Variants in SFRP1 observed in about 807,000 individuals in gnomAD.
SFRP1 encodes secreted frizzled-related protein 1.
SFRP1 carries 9 observed loss-of-function variants against 25.9 expected under a neutral mutation model. That is an observed-to-expected ratio of 0.35 (90% CI 0.21 to 0.61). The LOEUF is 0.61. Ranked by LOEUF, SFRP1 falls within the 20% of genes least tolerant of loss-of-function variation. SFRP1 has a pLI of 0.78. For missense variants in SFRP1, 346 were observed against 418.2 expected (o/e 0.83, Z 1.51); for synonymous variants, 178 against 174.0 (o/e 1.02, Z -0.18).
intron 2 of SFRP1, among the ~76,000 whole-genome samples, chr8:41,288,598 C>T (rs1803738459): frequency 6.9e-6 from 1 of 144,432 alleles, no homozygotes; most frequent in South Asian, 2.3e-4. Context: ...TTCCAGGACT[C>T]TTCCATACAC....
intron 2 of SFRP1, among the ~76,000 whole-genome samples, chr8:41,300,382 T>C (rs759737005): frequency 2.6e-5 from 4 of 152,134 alleles, no homozygotes; most frequent in Admixed American, 6.5e-5. Context: ...TCCTTTTCCA[T>C]AGGGAGAAAA....
At chr8:41,290,520 C>T (rs890903620) in intron 2 of SFRP1, among the ~76,000 whole-genome samples, 3 of 152,224 alleles carry the variant, frequency 2.0e-5, no homozygotes, top group Admixed American at 6.5e-5. Flanking sequence ...GCCAGCTCTG[C>T]GGTGACCTAA....
At chr8:41,280,934 C>G (rs1169873734) in intron 2 of SFRP1, among the ~76,000 whole-genome samples, 1 of 152,234 alleles carries the variant, frequency 6.6e-6, no homozygotes, top group Non-Finnish European at 1.5e-5. Context: ...CCAAGTGGCT[C>G]CACAACAGAC....
chr8:41,297,311 TGG>T (rs1803855930), intron 2 of SFRP1, among the ~76,000 whole-genome samples: 1 of 152,232 alleles, frequency 6.6e-6, no homozygotes, highest in Non-Finnish European at 1.5e-5. Flanking sequence ...CCCAAAGTGC[TGG>T]GATTACAGGT....
chr8:41,278,560 A>C (rs1184863176), intron 2 of SFRP1, among the ~76,000 whole-genome samples: 2 of 152,202 alleles, frequency 1.3e-5, no homozygotes, highest in Non-Finnish European at 2.9e-5. Flanking sequence ...CCAGTAGAGA[A>C]GCCCAGACCG....
chr8:41,287,668 C>G (rs112562297), intron 2 of SFRP1, among the ~76,000 whole-genome samples: 109 of 152,316 alleles, frequency 7.2e-4, no homozygotes, highest in African/African-American at 2.4e-3. Context: ...GGAATAGATT[C>G]GTGTGTATTA....
intron 2 of SFRP1, among the ~76,000 whole-genome samples, chr8:41,267,896 A>C (rs923868182): frequency 2.0e-5 from 3 of 152,228 alleles, no homozygotes; most frequent in Non-Finnish European, 1.5e-5. Flanking sequence ...GATCACAGGG[A>C]GGAGCTCAGA....
At chr8:41,285,288 C>A (rs956076036) in intron 2 of SFRP1, among the ~76,000 whole-genome samples, 1 of 152,154 alleles carries the variant, frequency 6.6e-6, no homozygotes, top group East Asian at 1.9e-4. Flanking sequence ...CCAGGACTCC[C>A]GACTTCCTGG....
intron 1 of SFRP1, among the ~76,000 whole-genome samples, chr8:41,306,260 T>C (rs1306926087): frequency 6.6e-6 from 1 of 152,210 alleles, no homozygotes; most frequent in Non-Finnish European, 1.5e-5. Flanking sequence ...AAACTGAATT[T>C]GCCCAAGTGT....
At chr8:41,308,481 G>A (rs1804025846) in intron 1 of SFRP1, 135 bp downstream of exon 1, 2 of 700,062 alleles carry the variant, frequency 2.9e-6, no homozygotes, top group Non-Finnish European at 2.3e-6. Flanking sequence ...TGCACAGCAT[G>A]CGAGCAACCT....
At chr8:41,292,693 T>C (rs1803792879) in intron 2 of SFRP1, among the ~76,000 whole-genome samples, 1 of 152,230 alleles carries the variant, frequency 6.6e-6, no homozygotes. Flanking sequence ...TCTCTTTGGA[T>C]GTTGATTCTA....
At position 41,309,180 on chromosome 8, in the gene SFRP1, T is replaced by C. The variant is rs1804039834; in HGVS notation, c.-21A>G. ...CCCATGCCGGCTCTGCGCCCTGTTC[T>C]CCGCGACGTCGGGGCTGCCTCCGCC... On this transcript the variant is annotated 5_prime_UTR_variant, in exon 1 of 3. Transcript: ENST00000220772. 1 of 1,300,062 alleles carries C rather than the reference T, an allele frequency of 7.7e-7. No homozygotes were observed. Among genetic ancestry groups the C allele is most frequent in the East Asian group, 3.1e-5 (1 of 31,802 alleles). 80.5% of individuals were successfully genotyped at this position (1,300,062 alleles called of 1,614,324 possible).
chr8:41,291,337 T>G (rs1281295027), intron 2 of SFRP1, among the ~76,000 whole-genome samples: 1 of 152,146 alleles, frequency 6.6e-6, no homozygotes, highest in East Asian at 1.9e-4. Context: ...CAAGCTGGCT[T>G]TTGCCTGTTT....
Position 41,308,626 on chromosome 8 carries a change from G to T in SFRP1, c.534C>A (p.Ser178=). The T allele has an allele frequency of 6.3e-7, 1 of 1,598,474 alleles. No individual in the cohort carries two copies. Among genetic ancestry groups the T allele is most frequent in the Non-Finnish European group, 8.5e-7 (1 of 1,169,778 alleles). Reference sequence around the variant, plus strand: ...AGGAGGCAGCCTTACCTTGGGGCTTGGAGGCTTCGGTGGCATTGGGCGGCG... The same window carrying T: ...AGGAGGCAGCCTTACCTTGGGGCTTTGAGGCTTCGGTGGCATTGGGCGGCG... ...AMTPPNATEA[S]KPQGTTVCPP... Residue 178 remains serine, a synonymous_variant, in exon 1 of 3, where the codon TCC becomes TCA. Coordinates refer to ENST00000220772, the MANE Select transcript of SFRP1 (RefSeq NM_003012.5).
intron 2 of SFRP1, among the ~76,000 whole-genome samples, chr8:41,299,462 T>C (rs1803884563): frequency 7.1e-6 from 1 of 141,472 alleles, no homozygotes. Context: ...AATACACAAG[T>C]TGCCGACATC....
At chr8:41,281,794 G>C (rs980913583) in intron 2 of SFRP1, among the ~76,000 whole-genome samples, 1 of 152,176 alleles carries the variant, frequency 6.6e-6, no homozygotes, top group African/African-American at 2.4e-5. Context: ...TGGCCAACTG[G>C]GAAAGGCACA....
At position 41,293,096 on chromosome 8, in the gene SFRP1, G is replaced by A. The variant is rs536757424; in HGVS notation, c.622+10365C>T. On this transcript the variant is annotated intron_variant, in intron 2 of 2. Coordinates refer to ENST00000220772, the MANE Select transcript of SFRP1 (RefSeq NM_003012.5). ...CTCAGCACCTTCCTTGCCCAGGGCT[G>A]ACAACAAGTACTTACCTGACTGAAC... 2.6e-5 allele frequency among the ~76,000 whole-genome samples: 4 copies of A among 152,328 alleles called. No individual in the cohort carries two copies. The South Asian group carries it at 8.3e-4, about 32-fold the overall frequency.
chr8:41,273,440 C>T (rs924317571), intron 2 of SFRP1, among the ~76,000 whole-genome samples: 2 of 151,392 alleles, frequency 1.3e-5, no homozygotes, highest in African/African-American at 4.9e-5. Flanking sequence ...TGCAGTGAGC[C>T]GAGATCATGC....
chr8:41,286,963 T>C (rs1236397871), intron 2 of SFRP1, among the ~76,000 whole-genome samples: 1 of 152,190 alleles, frequency 6.6e-6, no homozygotes. Flanking sequence ...CTGTGGGTCA[T>C]GCCTCTGGCT....
Sources: allele counts gnomAD v4.1 joint callset (sites outside exome capture counted in the v4.1 genomes callset), GRCh38; gene constraint gnomAD v4.1.1; transcripts MANE v1.5; gene names NCBI Gene and HGNC (gene_info 2026-07-23, HGNC 2026-07-21).